RGL1: variants seen among roughly 807,000 people sequenced by gnomAD.
RGL1 encodes the protein ral guanine nucleotide dissociation stimulator-like 1.
Under a neutral mutation model 95.2 loss-of-function variants are expected in RGL1, and 24 were observed. The ratio of observed to expected loss-of-function variants is 0.25; its 90% confidence interval spans 0.18 to 0.35. RGL1 has a LOEUF of 0.35. Ranked by LOEUF, RGL1 falls within the 10% of genes least tolerant of loss-of-function variation. The probability of loss-of-function intolerance (pLI) is 1.00; values close to 1 mark genes in which losing one functional copy is unlikely to be tolerated. For synonymous variants in RGL1, 329 were observed against 344.9 expected, an observed-to-expected ratio of 0.95 and a Z score of 0.51; for missense variants, 715 against 936.3, an observed-to-expected ratio of 0.76 and a Z score of 3.08.
intron 16 of RGL1, among the ~76,000 whole-genome samples, chr1:183,919,885 A>G (rs1669217238): frequency 6.6e-6 from 1 of 152,236 alleles, no homozygotes; most frequent in Admixed American, 6.5e-5. Context: ...TGAAATGGGA[A>G]TACTCCAAAT....
chr1:183,889,649 G>A (rs1453599317), intron 8 of RGL1, among the ~76,000 whole-genome samples: 1 of 152,156 alleles, frequency 6.6e-6, no homozygotes, highest in African/African-American at 2.4e-5. Context: ...TTGCTGATAA[G>A]CTCATATTCT....
At chr1:183,853,619 T>C (rs563461612) in intron 3 of RGL1, among the ~76,000 whole-genome samples, 50 of 152,230 alleles carry the variant, frequency 3.3e-4, no homozygotes, top group Non-Finnish European at 4.8e-4. Flanking sequence ...TTATTTCTTC[T>C]TCCCATGTTT....
chr1:183,926,418 C>A lies in RGL1; in HGVS notation c.*126C>A. Reference sequence around the variant, plus strand: ...GAAGTCAGCAGATATTTATTGAGTTCCTGTGGTGTGCAAAGCATTATGATA... The same window carrying A: ...GAAGTCAGCAGATATTTATTGAGTTACTGTGGTGTGCAAAGCATTATGATA... On this transcript the variant is annotated 3_prime_UTR_variant, in exon 18 of 18. Coordinates refer to ENST00000360851, the MANE Select transcript of RGL1 (RefSeq NM_001297671.3). 1 of 749,328 alleles carries A rather than the reference C, an allele frequency of 1.3e-6. No homozygotes were observed. Among genetic ancestry groups the A allele is most frequent in the Non-Finnish European group, 2.1e-6 (1 of 475,000 alleles). The allele number at this position is 749,328 out of a possible 1,614,324, so 46.4% of individuals were successfully genotyped here.
intron 2 of RGL1, among the ~76,000 whole-genome samples, chr1:183,759,898 C>T (rs370878140): frequency 9.2e-5 from 14 of 152,304 alleles, no homozygotes; most frequent in African/African-American, 3.4e-4. Flanking sequence ...GGAAGACATC[C>T]TTGATTTTTC....
intron 2 of RGL1, among the ~76,000 whole-genome samples, chr1:183,751,842 G>A (rs762644423): frequency 7.2e-5 from 11 of 152,070 alleles, no homozygotes; most frequent in Non-Finnish European, 1.5e-4. Flanking sequence ...GTGAGCTGAC[G>A]CCCCACCCTG....
At chr1:183,888,671 G>A (rs1176461481) in intron 8 of RGL1, 94 bp downstream of exon 8, 5 of 755,736 alleles carry the variant, frequency 6.6e-6, no homozygotes, top group Non-Finnish European at 1.2e-5. Context: ...CGCATAACTA[G>A]AGAAACATAT....
At chr1:183,893,414 G>A (rs1161053343) in intron 9 of RGL1, among the ~76,000 whole-genome samples, 4 of 152,166 alleles carry the variant, frequency 2.6e-5, no homozygotes, top group African/African-American at 7.2e-5. Flanking sequence ...CTATGCAAAT[G>A]TAAGTTATTT....
At chr1:183,817,134 G>C (rs1436592836) in intron 2 of RGL1, among the ~76,000 whole-genome samples, 2 of 152,126 alleles carry the variant, frequency 1.3e-5, no homozygotes, top group Non-Finnish European at 2.9e-5. Context: ...AGAGGTCCTG[G>C]AAAGTTAACT....
chr1:183,805,235 A>C lies in RGL1; in HGVS notation c.-63A>C. On this transcript the variant is annotated 5_prime_UTR_variant, in exon 1 of 18. Transcript: ENST00000360851. ...CGCCGCGGGGCTGAGCCCAGCAGACATTGCGTTGGCCTCCGAGCAGGGCGC... is the reference window on the plus strand; with the variant it reads ...CGCCGCGGGGCTGAGCCCAGCAGACCTTGCGTTGGCCTCCGAGCAGGGCGC... 1.9e-6 allele frequency: 3 copies of C among 1,598,658 alleles called. No homozygotes were observed. The highest frequency in any genetic ancestry group is 2.6e-6 in the Non-Finnish European group (3 of 1,173,184).
chr1:183,703,992 C>A (rs1349563307), intron 1 of RGL1, among the ~76,000 whole-genome samples: 1 of 152,172 alleles, frequency 6.6e-6, no homozygotes, highest in Non-Finnish European at 1.5e-5. Context: ...AAGAACGAAG[C>A]GCCCTTCCTT....
intron 2 of RGL1, among the ~76,000 whole-genome samples, chr1:183,745,124 T>C (rs1256792301): frequency 6.6e-6 from 1 of 152,214 alleles, no homozygotes; most frequent in Non-Finnish European, 1.5e-5. Flanking sequence ...TGAATTCTTG[T>C]GGCATTGAGC....
At chr1:183,922,857 T>A (rs1425720269) in intron 17 of RGL1, among the ~76,000 whole-genome samples, 1 of 152,224 alleles carries the variant, frequency 6.6e-6, no homozygotes, top group East Asian at 1.9e-4. Context: ...TACCTCACAT[T>A]TATTGAGGCA....
intron 1 of RGL1, among the ~76,000 whole-genome samples, chr1:183,682,806 T>A (rs889182645): frequency 6.6e-6 from 1 of 152,040 alleles, no homozygotes; most frequent in African/African-American, 2.4e-5. Context: ...GAGTCTAAGT[T>A]TCTTTTGTAG....
chr1:183,723,180 G>A lies in RGL1; in HGVS notation c.-32-18946G>A, dbSNP rs115796372. On this transcript the variant is annotated intron_variant, in intron 1 of 18. Coordinates refer to the RGL1 transcript ENST00000304685. ...CCTAGATGAATCATTAAAAAATAAA[G>A]TATAGCCAATAAACCAATAGTATTG... 8.4e-3 allele frequency among the ~76,000 whole-genome samples: 1,281 copies of A among 152,242 alleles called. 21 individuals carry two copies. Among genetic ancestry groups the A allele is most frequent in the African/African-American group, 0.029 (1,193 of 41,528 alleles).
chr1:183,638,516 A>G (rs1649696297), intron 1 of RGL1, among the ~76,000 whole-genome samples: 2 of 150,636 alleles, frequency 1.3e-5, no homozygotes, highest in Admixed American at 1.3e-4. Flanking sequence ...AGGTAGTTAA[A>G]TCTTTATAAA....
At chr1:183,671,903 T>C (rs1287927491) in intron 1 of RGL1, among the ~76,000 whole-genome samples, 1 of 152,034 alleles carries the variant, frequency 6.6e-6, no homozygotes, top group Non-Finnish European at 1.5e-5. Context: ...CTTTGTGACA[T>C]TTAAGAAACA....
intron 2 of RGL1, among the ~76,000 whole-genome samples, chr1:183,841,561 C>G (rs2491435): frequency 0.8 from 121,579 of 152,178 alleles, 48,733 homozygotes; most frequent in Middle Eastern, 0.88. Flanking sequence ...CAAGGCAGAA[C>G]CTCATGTTGA....
At chr1:183,689,230 T>G (rs1251950588) in intron 1 of RGL1, among the ~76,000 whole-genome samples, 1 of 152,148 alleles carries the variant, frequency 6.6e-6, no homozygotes, top group Admixed American at 6.5e-5. Context: ...TGCATCTTAG[T>G]AAATTAAAAA....
chr1:183,779,216 CTT>C lies in RGL1; in HGVS notation c.133-27158_133-27157del, dbSNP rs1224632749. On this transcript the variant is annotated intron_variant, in intron 2 of 18. Coordinates refer to the RGL1 transcript ENST00000304685. The stretch of plus-strand genomic sequence containing the variant: ...CCTTCCTTCCTTCCTTCCTTCCTTC[CTT>C]CCTTCCTTCCCTCCCTCCCACCTTC... 2.5e-3 allele frequency among the ~76,000 whole-genome samples: 363 copies of C among 147,826 alleles called. 2 individuals carry two copies. The highest frequency in any genetic ancestry group is 8.8e-3 in the African/African-American group (349 of 39,872).
Sources: allele counts gnomAD v4.1 joint callset (sites outside exome capture counted in the v4.1 genomes callset), GRCh38; gene constraint gnomAD v4.1.1; transcripts MANE v1.5; gene names NCBI Gene and HGNC (gene_info 2026-07-23, HGNC 2026-07-21).